ARHGEF28: variants seen among roughly 807,000 people sequenced by gnomAD.
ARHGEF28 encodes the protein 190 kDa guanine nucleotide exchange factor.
In ARHGEF28, 152 loss-of-function variants were observed where a neutral mutation model predicts 206.6. The ratio of observed to expected loss-of-function variants is 0.74; its 90% CI spans 0.64 to 0.84. ARHGEF28 has a LOEUF of 0.84. Ranked by LOEUF, ARHGEF28 falls within the 40% of genes least tolerant of loss-of-function variation. The probability of loss-of-function intolerance (pLI) is 0.00; values close to 1 mark genes in which losing one functional copy is unlikely to be tolerated. For synonymous variants in ARHGEF28, 763 were observed against 776.4 expected, an observed-to-expected ratio of 0.98 and a Z score of 0.29; for missense variants, 2,028 against 2,073.2, an observed-to-expected ratio of 0.98 and a Z score of 0.42.
intron 1 of ARHGEF28, among the ~76,000 whole-genome samples, chr5:73,679,598 G>A (rs1746939332): frequency 6.6e-6 from 1 of 150,602 alleles, no homozygotes; most frequent in African/African-American, 2.4e-5. Context: ...TTCTTACTAT[G>A]GCATGTACTA....
chr5:73,886,880 C>T (rs1464537765), intron 25 of ARHGEF28, among the ~76,000 whole-genome samples: 1 of 152,218 alleles, frequency 6.6e-6, no homozygotes, highest in East Asian at 1.9e-4. Flanking sequence ...CTGTTTCTAA[C>T]AGTTCATCTT....
rs111632026 is a variant in ARHGEF28, at chr5:73,871,676, C to T, written c.2567-1323C>T. On this transcript the variant is annotated intron_variant, in intron 21 of 35. Transcript: ENST00000513042. ...AATCTAGTAGTTTTTAGTATATTCA[C>T]GAAGTTGTGTAGCCATCAGGTCCTG... is the stretch of plus-strand genomic sequence containing the variant. 6.2e-3 allele frequency among the ~76,000 whole-genome samples: 949 copies of T among 152,268 alleles called. 10 individuals carry two copies. Among genetic ancestry groups the T allele is most frequent in the African/African-American group, 0.021 (888 of 41,560 alleles).
At chr5:73,865,464 T>C (rs1413969801) in intron 17 of ARHGEF28, among the ~76,000 whole-genome samples, 1 of 152,154 alleles carries the variant, frequency 6.6e-6, no homozygotes, top group Non-Finnish European at 1.5e-5. Context: ...TGCATGTGAG[T>C]GAACATGATG....
intron 1 of ARHGEF28, among the ~76,000 whole-genome samples, chr5:73,659,592 G>C (rs541255772): frequency 6.6e-6 from 1 of 152,180 alleles, no homozygotes; most frequent in Admixed American, 6.5e-5. Context: ...TTGGTAGTGG[G>C]GTTAAGATGA....
At chr5:73,883,945 G>A (rs1761109542) in intron 24 of ARHGEF28, 61 bp downstream of exon 24, 1 of 1,074,812 alleles carries the variant, frequency 9.3e-7, no homozygotes, top group Non-Finnish European at 1.3e-6. Context: ...CACAGTTGAG[G>A]TGTTCTAAAC....
chr5:73,642,165 C>T (rs1744155308), intron 1 of ARHGEF28, among the ~76,000 whole-genome samples: 1 of 152,206 alleles, frequency 6.6e-6, no homozygotes, highest in African/African-American at 2.4e-5. Flanking sequence ...ATCCACTCAA[C>T]TGATCTGAAA....
At position 73,732,338 on chromosome 5, in the gene ARHGEF28, CT is replaced by C. The variant is rs202000497; in HGVS notation, c.34-17488del. Reference sequence around the variant, plus strand: ...GTAGTATGTAACTTGTTCAGATCAGCTTTTTTTTTTTCACTCAGTGACATGC... The same window carrying C: ...GTAGTATGTAACTTGTTCAGATCAGCTTTTTTTTTTCACTCAGTGACATGC... On this transcript the variant is annotated intron_variant, in intron 2 of 35. Coordinates refer to ENST00000513042, the MANE Select transcript of ARHGEF28 (RefSeq NM_001177693.2). 1.4e-3 allele frequency among the ~76,000 whole-genome samples: 209 copies of C among 146,322 alleles called. 4 individuals carry two copies. The South Asian group carries it at 0.018, about 13-fold the overall frequency.
At chr5:73,754,726 T>C (rs976777604) in intron 4 of ARHGEF28, among the ~76,000 whole-genome samples, 2 of 152,120 alleles carry the variant, frequency 1.3e-5, no homozygotes, top group African/African-American at 2.4e-5. Flanking sequence ...CAGGGTCATC[T>C]TGCTCTGTTG....
At chr5:73,677,097 T>C (rs1366973550) in intron 1 of ARHGEF28, among the ~76,000 whole-genome samples, 1 of 152,180 alleles carries the variant, frequency 6.6e-6, no homozygotes, top group East Asian at 1.9e-4. Flanking sequence ...AAATATGGAA[T>C]GATTAGAGAA....
chr5:73,780,639 G>C (rs1753791055), intron 6 of ARHGEF28, 37 bp from the exon 7 acceptor site: 1 of 1,518,994 alleles, frequency 6.6e-7, no homozygotes. Context: ...ATGGTTTTCT[G>C]TGCTTTTTTG....
At chr5:73,743,917 G>A (rs1234482312) in intron 2 of ARHGEF28, among the ~76,000 whole-genome samples, 5 of 152,130 alleles carry the variant, frequency 3.3e-5, no homozygotes, top group African/African-American at 4.8e-5. Context: ...TTTGCTGTTT[G>A]TTCACTAACA....
At chr5:73,796,460 G>A (rs182431024) in intron 9 of ARHGEF28, among the ~76,000 whole-genome samples, 1 of 152,216 alleles carries the variant, frequency 6.6e-6, no homozygotes, top group East Asian at 1.9e-4. Flanking sequence ...CGGGGTCACC[G>A]TGAGCCTACA....
intron 35 of ARHGEF28, among the ~76,000 whole-genome samples, chr5:73,936,223 C>T (rs988754999): frequency 1.4e-4 from 21 of 152,084 alleles, no homozygotes; most frequent in African/African-American, 4.8e-5. Flanking sequence ...GTTTGCTGTT[C>T]GTAGGAGGGC....
chr5:73,832,546 C>A, intron 10 of ARHGEF28, 87 bp downstream of exon 10: 1 of 1,504,130 alleles, frequency 6.6e-7, no homozygotes, highest in South Asian at 1.3e-5. Context: ...TGTTGTGTTC[C>A]TTTGACAATT....
At chr5:73,821,433 G>T (rs1756579045) in intron 9 of ARHGEF28, among the ~76,000 whole-genome samples, 1 of 152,172 alleles carries the variant, frequency 6.6e-6, no homozygotes, top group African/African-American at 2.4e-5. Flanking sequence ...TGGCTCTAGG[G>T]ATAGGCACTG....
At position 73,866,483 on chromosome 5, in the gene ARHGEF28, A is replaced by G. The variant is rs12654119; in HGVS notation, c.2152+470A>G. On this transcript the variant is annotated intron_variant, in intron 18 of 35. Coordinates refer to ENST00000513042, the MANE Select transcript of ARHGEF28 (RefSeq NM_001177693.2). Reference sequence around the variant, plus strand: ...CCATGTTTGATGGAAAAAGTCTTCAAATTTGGAGTCTGTAGATTCTTATCA... The same window carrying G: ...CCATGTTTGATGGAAAAAGTCTTCAGATTTGGAGTCTGTAGATTCTTATCA... Among the ~76,000 whole-genome samples the G allele has an allele frequency of 2.5e-3, 383 of 152,316 alleles. 9 individuals carry two copies. In the East Asian group the frequency reaches 0.065, roughly 26 times the overall value.
At position 73,770,661 on chromosome 5, in the gene ARHGEF28, C is replaced by T. The variant is rs1215452018; in HGVS notation, c.476-3194C>T. On this transcript the variant is annotated intron_variant, in intron 4 of 35. Transcript: ENST00000513042. The stretch of plus-strand genomic sequence containing the variant: ...AACAGGCAGAATTATTTATATATGT[C>T]ATGATGCTTCCTATTTCAAGCTGTT... Among the ~76,000 whole-genome samples, 4 of 152,328 alleles carry T rather than the reference C, an allele frequency of 2.6e-5. No homozygotes were observed. In the East Asian group the frequency reaches 7.7e-4, roughly 29 times the overall value.
At chr5:73,909,201 T>G (rs1030528242) in intron 33 of ARHGEF28, 3 of 516,142 alleles carry the variant, frequency 5.8e-6, no homozygotes, top group Non-Finnish European at 9.5e-6. Context: ...TCTCTATAAA[T>G]TCACAGGTCC....
chr5:73,643,905 C>G (rs1226390599), intron 1 of ARHGEF28, among the ~76,000 whole-genome samples: 3 of 152,090 alleles, frequency 2.0e-5, no homozygotes, highest in Non-Finnish European at 4.4e-5. Context: ...ATATCTTTGT[C>G]ATCTAGATGT....
Sources: gnomAD v4.1 joint callset for allele counts (sites outside exome capture counted in the v4.1 genomes callset) on GRCh38, gnomAD v4.1.1 for gene constraint, MANE v1.5 for transcripts, NCBI Gene and HGNC (gene_info 2026-07-23, HGNC 2026-07-21) for gene names.